WASF3: variants seen among roughly 807,000 people sequenced by gnomAD.
The protein encoded by WASF3 is WASP family member 3, also known as actin-binding protein WASF3.
Under a neutral mutation model 46.6 loss-of-function variants are expected in WASF3, and 11 were observed. That is an observed-to-expected ratio of 0.24 (90% CI 0.15 to 0.39). WASF3 has a LOEUF of 0.39. Among genes scored for constraint, WASF3 ranks in the 10% least tolerant of loss-of-function variants. WASF3 has a pLI of 1.00. For synonymous variants in WASF3, 242 were observed against 259.7 expected, an observed-to-expected ratio of 0.93 and a Z score of 0.65; for missense variants, 576 against 669.8, an observed-to-expected ratio of 0.86 and a Z score of 1.55.
intron 3 of WASF3, among the ~76,000 whole-genome samples, chr13:26,645,092 G>A (rs1219526444): frequency 1.3e-5 from 2 of 152,234 alleles, no homozygotes; most frequent in African/African-American, 4.8e-5. Flanking sequence ...GCAATGAACT[G>A]AATGTTTGTG....
chr13:26,562,613 A>G (rs1222369781), intron 1 of WASF3, among the ~76,000 whole-genome samples: 2 of 152,028 alleles, frequency 1.3e-5, no homozygotes, highest in African/African-American at 4.8e-5. Context: ...GGGTAATTTC[A>G]GAGTTTCCAT....
rs971329926 is a variant in WASF3 at position 26,665,805 on chromosome 13, T to C, written c.268+643T>C. On this transcript the variant is annotated intron_variant, in intron 4 of 9. Coordinates refer to ENST00000335327, the MANE Select transcript of WASF3 (RefSeq NM_006646.6). The stretch of plus-strand genomic sequence containing the variant: ...TTTTTAAAATTTTACTTTCAGTATC[T>C]TGAATGAAAGACTCAGATTGAGCTG... Among the ~76,000 whole-genome samples the C allele has an allele frequency of 2.0e-5, 3 of 152,348 alleles. No homozygotes were observed. In the South Asian group the frequency reaches 6.2e-4, roughly 32 times the overall value.
At chr13:26,666,675 G>A (rs1593179261) in intron 4 of WASF3, among the ~76,000 whole-genome samples, 1 of 151,976 alleles carries the variant, frequency 6.6e-6, no homozygotes, top group Non-Finnish European at 1.5e-5. Context: ...CGAGGCAGGC[G>A]GATCATGAGG....
At chr13:26,594,526 T>C (rs1342727067) in intron 1 of WASF3, among the ~76,000 whole-genome samples, 2 of 152,208 alleles carry the variant, frequency 1.3e-5, no homozygotes, top group East Asian at 1.9e-4. Context: ...AGCAGTGGCC[T>C]AAGCTTACTA....
the WASF3 span, among the ~76,000 whole-genome samples, chr13:26,543,942 T>C: frequency 2.2e-4 from 33 of 152,288 alleles, no homozygotes; most frequent in African/African-American, 7.0e-4. Context: ...TATTGACATA[T>C]AGGCTCGTTC....
At chr13:26,543,069 G>A in the WASF3 span, among the ~76,000 whole-genome samples, 2 of 152,216 alleles carry the variant, frequency 1.3e-5, no homozygotes, top group African/African-American at 4.8e-5. Flanking sequence ...TGTCCTTTCA[G>A]TGTCCTGTGT....
intron 2 of WASF3, chr13:26,620,718 A>C (rs1881279556): frequency 6.6e-6 from 1 of 152,212 alleles, no homozygotes; most frequent in Non-Finnish European, 1.5e-5. Context: ...GACAGGAGCT[A>C]ATGGTGAAAA....
At chr13:26,567,845 C>T (rs1254366994) in intron 1 of WASF3, among the ~76,000 whole-genome samples, 5 of 151,704 alleles carry the variant, frequency 3.3e-5, no homozygotes, top group South Asian at 2.1e-4. Context: ...ATAAAGAAAG[C>T]GAAGCACGTG....
the WASF3 span, among the ~76,000 whole-genome samples, chr13:26,549,912 G>A: frequency 2.4e-3 from 359 of 152,254 alleles, no homozygotes; most frequent in Non-Finnish European, 4.2e-3. Context: ...AAAAGCCCGG[G>A]TGGCTTATAT....
intron 1 of WASF3, among the ~76,000 whole-genome samples, chr13:26,578,202 C>T (rs1214798384): frequency 1.3e-5 from 2 of 152,158 alleles, no homozygotes; most frequent in Admixed American, 6.5e-5. Context: ...AGATATTCCT[C>T]CCTTGTTCCT....
intron 3 of WASF3, among the ~76,000 whole-genome samples, chr13:26,661,269 A>T: frequency 6.6e-6 from 1 of 151,912 alleles, no homozygotes; most frequent in Non-Finnish European, 1.5e-5. Context: ...TCGTTACAGA[A>T]CTCCCCATTT....
chr13:26,665,388 AC>A (rs1882741130), intron 4 of WASF3, among the ~76,000 whole-genome samples: 1 of 152,228 alleles, frequency 6.6e-6, no homozygotes, highest in African/African-American at 2.4e-5. Flanking sequence ...TTAAAAAATT[AC>A]AAATATAGTA....
chr13:26,661,728 G>A (rs766301832), intron 3 of WASF3, among the ~76,000 whole-genome samples: 7 of 152,158 alleles, frequency 4.6e-5, no homozygotes, highest in Non-Finnish European at 7.3e-5. Context: ...CACCAACAGC[G>A]CACAGGGTTC....
intron 7 of WASF3, among the ~76,000 whole-genome samples, chr13:26,677,654 G>T (rs902073292): frequency 1.3e-5 from 2 of 152,136 alleles, no homozygotes; most frequent in South Asian, 4.1e-4. Flanking sequence ...GCAAGTTCTG[G>T]TAATTTTTCT....
At chr13:26,625,762 A>G (rs1244035750) in intron 2 of WASF3, among the ~76,000 whole-genome samples, 1 of 152,216 alleles carries the variant, frequency 6.6e-6, no homozygotes, top group African/African-American at 2.4e-5. Context: ...TTGACACATA[A>G]AATGAACCAT....
chr13:26,656,326 T>C (rs954406728), intron 3 of WASF3, among the ~76,000 whole-genome samples: 1 of 152,104 alleles, frequency 6.6e-6, no homozygotes, highest in African/African-American at 2.4e-5. Flanking sequence ...ATGAAAACAT[T>C]TACCTTTCTC....
chr13:26,558,955 G>A (rs1197799221), intron 1 of WASF3, among the ~76,000 whole-genome samples: 2 of 152,190 alleles, frequency 1.3e-5, no homozygotes, highest in Admixed American at 1.3e-4. Context: ...TAAGTTCAAA[G>A]TATTGTAATT....
rs757434487 is a variant in WASF3 at position 26,682,964 on chromosome 13, T to G, written c.1341T>G (p.Ala447=). The G allele has an allele frequency of 6.2e-7, 1 of 1,603,224 alleles. No individual in the cohort carries two copies. The highest frequency in any genetic ancestry group is 2.2e-5 in the East Asian group (1 of 44,890). Residue 447 remains alanine (A), a synonymous_variant, in exon 9 of 10, where the codon GCT becomes GCG. Coordinates refer to ENST00000335327, the MANE Select transcript of WASF3 (RefSeq NM_006646.6). The surrounding 1 kb of genome is among the most constrained non-coding windows in gnomAD (Gnocchi z 4.4). ...ATGCTCGAAGCGACCTCCTCGCTGC[T>G]ATTCGAATGGGTAAGTGGAGCCCCC... ...ISDARSDLLA[A]IRMGIQLKKV... is the part of the protein sequence containing the mutation.
intron 2 of WASF3, among the ~76,000 whole-genome samples, chr13:26,628,327 C>G (rs1204612931): frequency 6.6e-6 from 1 of 152,142 alleles, no homozygotes; most frequent in African/African-American, 2.4e-5. Context: ...TTTTCTAAAA[C>G]AAGGTGCAGA....
Sources: gnomAD v4.1 joint callset for allele counts (sites outside exome capture counted in the v4.1 genomes callset) on GRCh38, gnomAD v4.1.1 for gene constraint, Gnocchi (gnomAD v3.1) non-coding constraint, MANE v1.5 for transcripts, NCBI Gene and HGNC (gene_info 2026-07-23, HGNC 2026-07-21) for gene names.